Variants in ACBD6 observed in about 807,000 individuals in gnomAD.
The protein encoded by ACBD6 is acyl-CoA-binding domain-containing protein 6.
In ACBD6, 28 loss-of-function variants were observed where a neutral mutation model predicts 37.2. The observed-to-expected ratio is 0.75, with a 90% CI of 0.56 to 1.03. The LOEUF (loss-of-function observed/expected upper bound fraction) is 1.03. ACBD6 is among the 50% of genes least tolerant of loss of function. The pLI is 0.00. For missense variants in ACBD6, 340 were observed against 337.4 expected, an observed-to-expected ratio of 1.01 and a Z score of -0.06; for synonymous variants, 113 against 126.8, an observed-to-expected ratio of 0.89 and a Z score of 0.73.
intron 4 of ACBD6, among the ~76,000 whole-genome samples, chr1:180,421,671 T>C (rs554873354): frequency 1.3e-5 from 2 of 152,274 alleles, no homozygotes; most frequent in African/African-American, 2.4e-5. Flanking sequence ...CTGTTGTTTT[T>C]TGACTTTTTA....
Position 180,502,107 on chromosome 1 carries a change from G to A in ACBD6, c.160C>T (p.Gln54Ter). Reference sequence around the variant, plus strand: ...CTGCTGGCCACCTGAATCAGGCCTTGCAGGTGCGCGGCAGCCTTCTCAAAC... The same window carrying A: ...CTGCTGGCCACCTGAATCAGGCCTTACAGGTGCGCGGCAGCCTTCTCAAAC... Reference protein sequence around the residue: ...ELFEKAAAHLQGLIQVASREQ... With the variant: ...ELFEKAAAHL The change falls in exon 1 of 8, where the codon CAA (glutamine) becomes TAA (stop). Residue 54 changes from glutamine to a stop codon, truncating the protein, a stop_gained. Transcript: ENST00000367595. LOFTEE classifies it high-confidence loss of function. 1 of 1,613,912 alleles carries A rather than the reference G, an allele frequency of 6.2e-7. No homozygotes were observed. Among genetic ancestry groups the A allele is most frequent in the Non-Finnish European group, 8.5e-7 (1 of 1,179,914 alleles).
At chr1:180,388,739 C>T (rs1653949380) in intron 6 of ACBD6, among the ~76,000 whole-genome samples, 1 of 150,948 alleles carries the variant, frequency 6.6e-6, no homozygotes, top group Non-Finnish European at 1.5e-5. Context: ...TCATGCCTGG[C>T]CAAAAATTAA....
chr1:180,430,621 T>C (rs904517766), intron 3 of ACBD6, among the ~76,000 whole-genome samples: 4 of 151,428 alleles, frequency 2.6e-5, no homozygotes, highest in African/African-American at 9.7e-5. Context: ...AGCAAAATCG[T>C]ATCTAGATTT....
chr1:180,391,236 G>A (rs1417269368), intron 6 of ACBD6, among the ~76,000 whole-genome samples: 2 of 151,930 alleles, frequency 1.3e-5, no homozygotes, highest in African/African-American at 4.8e-5. Context: ...GAAGAAAAAG[G>A]CTTAATCATC....
intron 5 of ACBD6, among the ~76,000 whole-genome samples, chr1:180,412,630 C>T (rs1053079014): frequency 6.6e-5 from 10 of 152,174 alleles, no homozygotes; most frequent in Non-Finnish European, 1.0e-4. Context: ...CTTTGGGAAG[C>T]TGAGGGAGGA....
Position 180,413,403 on chromosome 1 carries a change from T to A in ACBD6, c.536A>T (p.Lys179Ile), listed in dbSNP as rs1411813018. ...NNIDHITKAI[K>I]SKNVDVNVKD... ...CACATTCACATCCACATTTTTCGAT[T>A]TGATGGCTTTGGTTATATGGTCAAT... is the stretch of plus-strand genomic sequence containing the variant. The change falls in exon 5 of 8, where the codon AAA becomes ATA. Residue 179 changes from lysine (K) to isoleucine (I), a missense_variant. Transcript: ENST00000367595. 6 of 1,613,486 alleles carry A rather than the reference T, an allele frequency of 3.7e-6. No individual in the cohort carries two copies. Among genetic ancestry groups the A allele is most frequent in the Non-Finnish European group, 5.1e-6 (6 of 1,179,864 alleles).
chr1:180,316,191 C>T (rs1650792924), intron 6 of ACBD6, among the ~76,000 whole-genome samples: 2 of 152,052 alleles, frequency 1.3e-5, no homozygotes, highest in Non-Finnish European at 2.9e-5. Flanking sequence ...ATGTGAAGTT[C>T]TGCTCAAGAG....
intron 6 of ACBD6, among the ~76,000 whole-genome samples, chr1:180,336,903 T>C (rs1036611063): frequency 5.9e-5 from 9 of 152,160 alleles, no homozygotes; most frequent in African/African-American, 2.2e-4. Flanking sequence ...CTAGAAAATC[T>C]AGAAGAAATG....
intron 6 of ACBD6, among the ~76,000 whole-genome samples, chr1:180,356,948 C>T (rs932217290): frequency 6.6e-6 from 1 of 151,668 alleles, no homozygotes; most frequent in African/African-American, 2.4e-5. Context: ...ATAACCATTA[C>T]AGTAAAAGAC....
chr1:180,495,115 T>C (rs986243109), intron 2 of ACBD6, among the ~76,000 whole-genome samples: 2 of 152,216 alleles, frequency 1.3e-5, no homozygotes, highest in African/African-American at 4.8e-5. Context: ...CCCATCATTC[T>C]GGCCTTCTTC....
At chr1:180,295,204 T>C (rs1333141178) in intron 7 of ACBD6, among the ~76,000 whole-genome samples, 1 of 152,166 alleles carries the variant, frequency 6.6e-6, no homozygotes, top group Non-Finnish European at 1.5e-5. Flanking sequence ...ATCACTGATA[T>C]GAAATCTTTC....
intron 6 of ACBD6, among the ~76,000 whole-genome samples, chr1:180,384,225 A>G (rs6425630): frequency 0.96 from 145,331 of 152,176 alleles, 69,463 homozygotes; most frequent in African/African-American, 0.99. Flanking sequence ...GAGTCAACCT[A>G]TAGAATGTGA....
intron 3 of ACBD6, chr1:180,435,075 A>ATCC: frequency 1.2e-6 from 1 of 802,086 alleles, no homozygotes; most frequent in Non-Finnish European, 2.3e-6. Context: ...ACATGATCTG[A>ATCC]AGCTTACCTT....
At chr1:180,308,611 T>A (rs1343521391) in intron 7 of ACBD6, among the ~76,000 whole-genome samples, 1 of 152,236 alleles carries the variant, frequency 6.6e-6, no homozygotes, top group East Asian at 1.9e-4. Context: ...CTTGTTCTAA[T>A]CTCTACCCCT....
At chr1:180,495,114 C>T (rs1022619344) in intron 2 of ACBD6, among the ~76,000 whole-genome samples, 1 of 152,174 alleles carries the variant, frequency 6.6e-6, no homozygotes, top group Non-Finnish European at 1.5e-5. Context: ...TCCCATCATT[C>T]TGGCCTTCTT....
chr1:180,448,551 T>A (rs1649566979), intron 3 of ACBD6, among the ~76,000 whole-genome samples: 1 of 152,158 alleles, frequency 6.6e-6, no homozygotes, highest in Non-Finnish European at 1.5e-5. Flanking sequence ...TTGATTAAAT[T>A]CCTAGTAGAT....
At chr1:180,285,027 T>C (rs1349729206), downstream of ACBD6, among the ~76,000 whole-genome samples, 2 of 152,028 alleles carry the variant, frequency 1.3e-5, no homozygotes, top group African/African-American at 2.4e-5. Context: ...TCCCAGCTAC[T>C]TGGGAGGCTG....
At chr1:180,284,323 C>A (rs547520199), downstream of ACBD6, among the ~76,000 whole-genome samples, 2 of 151,310 alleles carry the variant, frequency 1.3e-5, no homozygotes, top group South Asian at 4.2e-4. Context: ...ATAATCGTAA[C>A]AACTTTTCAA....
chr1:180,271,271 GC>G, exon 14 of ACBD6: 1 of 1,268,888 alleles, frequency 7.9e-7, no homozygotes, highest in East Asian at 2.3e-5. Context: ...GCGCTGTCCT[GC>G]CTACAGCAGG....
Sources: gnomAD v4.1 joint callset for allele counts (sites outside exome capture counted in the v4.1 genomes callset) on GRCh38, gnomAD v4.1.1 for gene constraint, MANE v1.5 for transcripts, NCBI Gene and HGNC (gene_info 2026-07-23, HGNC 2026-07-21) for gene names.